METTL25: variants seen among roughly 807,000 people sequenced by gnomAD.
The protein encoded by METTL25 is probable methyltransferase-like protein 25.
Under a neutral mutation model 71.6 loss-of-function variants are expected in METTL25, and 64 were observed. The observed-to-expected ratio is 0.89, with a 90% CI of 0.73 to 1.10. METTL25 has a LOEUF of 1.10. Among genes scored for constraint, METTL25 ranks in the 50% least tolerant of loss-of-function variants. The pLI is 0.00. For synonymous variants in METTL25, 287 were observed against 250.3 expected (o/e 1.15, Z -1.38); for missense variants, 807 against 707.0 (o/e 1.14, Z -1.60).
intron 1 of METTL25, among the ~76,000 whole-genome samples, chr12:82,375,353 A>G (rs1266839096): frequency 2.0e-5 from 3 of 152,154 alleles, no homozygotes; most frequent in Admixed American, 6.5e-5. Flanking sequence ...AAGGAGCACC[A>G]TCTTGGAAGC....
chr12:82,361,681 T>C (rs1248524443), intron 1 of METTL25, among the ~76,000 whole-genome samples: 3 of 152,144 alleles, frequency 2.0e-5, no homozygotes, highest in Non-Finnish European at 2.9e-5. Context: ...CCTCACTGCC[T>C]GGGGCCAGCG....
intron 8 of METTL25, among the ~76,000 whole-genome samples, chr12:82,454,211 G>A (rs1248263486): frequency 6.6e-6 from 1 of 152,078 alleles, no homozygotes; most frequent in Admixed American, 6.6e-5. Flanking sequence ...GTATGTGAAG[G>A]AAAAGTTCTC....
chr12:82,436,192 G>A (rs1889903469), intron 7 of METTL25, among the ~76,000 whole-genome samples: 1 of 151,356 alleles, frequency 6.6e-6, no homozygotes, highest in Non-Finnish European at 1.5e-5. Flanking sequence ...ACCTGCATGA[G>A]AATGATATAG....
intron 7 of METTL25, among the ~76,000 whole-genome samples, chr12:82,436,054 T>G (rs894454020): frequency 4.6e-5 from 7 of 151,376 alleles, no homozygotes; most frequent in Non-Finnish European, 8.9e-5. Context: ...TTAATGGTTT[T>G]CTAGAGGTCT....
At chr12:82,464,920 A>G (rs759936120) in intron 9 of METTL25, among the ~76,000 whole-genome samples, 6 of 151,532 alleles carry the variant, frequency 4.0e-5, no homozygotes, top group African/African-American at 7.3e-5. Context: ...TTCATTTTGT[A>G]TAGAAATGCA....
chr12:82,453,002 C>A (rs563043568), intron 8 of METTL25, among the ~76,000 whole-genome samples: 52 of 152,192 alleles, frequency 3.4e-4, no homozygotes, highest in African/African-American at 1.1e-3. Context: ...CGTGCATATA[C>A]AACATTTAAA....
intron 1 of METTL25, among the ~76,000 whole-genome samples, chr12:82,381,114 A>T (rs1166482346): frequency 6.6e-6 from 1 of 152,230 alleles, no homozygotes; most frequent in Non-Finnish European, 1.5e-5. Context: ...CGTAAGTTAT[A>T]ACAAAGTAGC....
At chr12:82,395,720 C>T (rs1592645080) in intron 3 of METTL25, among the ~76,000 whole-genome samples, 2 of 151,976 alleles carry the variant, frequency 1.3e-5, no homozygotes, top group African/African-American at 2.4e-5. Flanking sequence ...CTCAGAAGAT[C>T]CCTCCCACCA....
chr12:82,393,025 A>G (rs1024003385), intron 3 of METTL25, among the ~76,000 whole-genome samples: 3 of 152,060 alleles, frequency 2.0e-5, no homozygotes, highest in Non-Finnish European at 4.4e-5. Flanking sequence ...TGTTTGGGTT[A>G]GTATAACTTT....
At chr12:82,458,196 A>G (rs1891626415) in intron 9 of METTL25, among the ~76,000 whole-genome samples, 1 of 152,178 alleles carries the variant, frequency 6.6e-6, no homozygotes, top group Non-Finnish European at 1.5e-5. Flanking sequence ...TTTACCAAAC[A>G]CTTACTCTGT....
At chr12:82,379,419 T>C (rs959701918) in intron 1 of METTL25, among the ~76,000 whole-genome samples, 1 of 152,232 alleles carries the variant, frequency 6.6e-6, no homozygotes, top group Non-Finnish European at 1.5e-5. Flanking sequence ...CAAATTTGAA[T>C]TTATTATTCA....
intron 5 of METTL25, among the ~76,000 whole-genome samples, chr12:82,406,703 C>T (rs1474487048): frequency 6.6e-6 from 1 of 152,022 alleles, no homozygotes; most frequent in Non-Finnish European, 1.5e-5. Flanking sequence ...TATCATCAAA[C>T]ATTAGTTTCA....
chr12:82,408,597 C>CGTGTGTGTGTGTGTGTGTGTGT (rs56872887), intron 5 of METTL25, among the ~76,000 whole-genome samples: 8 of 147,740 alleles, frequency 5.4e-5, no homozygotes, highest in African/African-American at 2.0e-4. Flanking sequence ...GATGTGACTC[C>CGTGTGTGTGTGTGTGTGTGTGT]GTGTGTGTGT....
At chr12:82,427,409 T>A (rs1889117016) in intron 5 of METTL25, among the ~76,000 whole-genome samples, 1 of 151,936 alleles carries the variant, frequency 6.6e-6, no homozygotes, top group African/African-American at 2.4e-5. Context: ...TTGTATTAGA[T>A]TTTTCCTTCT....
chr12:82,457,744 C>A (rs1293606677), intron 9 of METTL25, among the ~76,000 whole-genome samples: 2 of 151,980 alleles, frequency 1.3e-5, no homozygotes, highest in Non-Finnish European at 2.9e-5. Context: ...TTTGTATGTA[C>A]TATGAGTAAC....
At chr12:82,374,669 A>T (rs75042114) in intron 1 of METTL25, among the ~76,000 whole-genome samples, 1 of 152,242 alleles carries the variant, frequency 6.6e-6, no homozygotes, top group Non-Finnish European at 1.5e-5. Flanking sequence ...ATATGGTTAC[A>T]TAGAGAGTAT....
chr12:82,450,546 A>G (rs923843292), intron 8 of METTL25, among the ~76,000 whole-genome samples: 9 of 152,160 alleles, frequency 5.9e-5, no homozygotes, highest in Non-Finnish European at 1.3e-4. Flanking sequence ...CACAATAGCT[A>G]GAGTGATACC....
intron 5 of METTL25, 59 bp downstream of exon 5, chr12:82,403,189 T>G: frequency 2.7e-6 from 4 of 1,462,270 alleles, no homozygotes; most frequent in Non-Finnish European, 3.7e-6. Flanking sequence ...AATATGCTAT[T>G]TCTATTTTCT....
intron 3 of METTL25, among the ~76,000 whole-genome samples, chr12:82,393,755 T>C (rs1885819310): frequency 6.6e-6 from 1 of 151,864 alleles, no homozygotes; most frequent in Non-Finnish European, 1.5e-5. Flanking sequence ...TAGATGTGGG[T>C]TTCTTTATTT....
Sources: allele counts gnomAD v4.1 joint callset (sites outside exome capture counted in the v4.1 genomes callset), GRCh38; gene constraint gnomAD v4.1.1; transcripts MANE v1.5; gene names NCBI Gene and HGNC (gene_info 2026-07-23, HGNC 2026-07-21).